TLK2: variants seen among roughly 807,000 people sequenced by gnomAD.
TLK2 encodes serine/threonine-protein kinase tousled-like 2.
A neutral mutation model predicts 117.3 loss-of-function variants in TLK2; 6 were observed. The ratio of observed to expected loss-of-function variants is 0.05; its 90% CI spans 0.03 to 0.10. The LOEUF is 0.10. TLK2 is among the 10% of genes least tolerant of loss of function. The pLI is 1.00. For missense variants in TLK2, 299 were observed against 901.2 expected, an observed-to-expected ratio of 0.33 and a Z score of 8.56; for synonymous variants, 257 against 316.7, an observed-to-expected ratio of 0.81 and a Z score of 2.00.
At chr17:62,568,363 C>G (rs1018415864) in intron 11 of TLK2, among the ~76,000 whole-genome samples, 5 of 143,318 alleles carry the variant, frequency 3.5e-5, no homozygotes, top group Non-Finnish European at 6.0e-5. Flanking sequence ...ACATGGGAGG[C>G]AGAGGTTGCA....
rs565112738 is a variant in TLK2 at position 62,491,103 on chromosome 17, A to G, written c.81+9897A>G. 6.6e-5 allele frequency among the ~76,000 whole-genome samples: 10 copies of G among 152,136 alleles called. No homozygotes were observed. The East Asian group carries it at 1.7e-3, about 27-fold the overall frequency. ...TGACTTCTTACAGAAGTAATTCTTT[A>G]TTTCATTGCTTTGCAGTCAATAATA... On this transcript the variant is annotated intron_variant, in intron 2 of 21. Coordinates refer to ENST00000346027, the MANE Select transcript of TLK2 (RefSeq NM_006852.6).
Position 62,606,893 on chromosome 17 carries a change from C to T in TLK2, c.1971+652C>T, listed in dbSNP as rs141820289. On this transcript the variant is annotated intron_variant, in intron 20 of 21. Transcript: ENST00000346027. The stretch of plus-strand genomic sequence containing the variant: ...GTTTGTTTCAGTGTTTCCCAGTAGG[C>T]TGTGGGTATAAGCCAGATGGGAGTT... Among the ~76,000 whole-genome samples the T allele has an allele frequency of 5.5e-4, 84 of 152,114 alleles. No homozygotes were observed. The East Asian group carries it at 0.014, about 26-fold the overall frequency.
At chr17:62,543,848 T>A (rs2077714626) in intron 7 of TLK2, among the ~76,000 whole-genome samples, 1 of 152,218 alleles carries the variant, frequency 6.6e-6, no homozygotes, top group South Asian at 2.1e-4. Context: ...GTTCAATTTA[T>A]CTGTTTTTTT....
chr17:62,593,832 G>A lies in TLK2; in HGVS notation c.1461-2753G>A, dbSNP rs144551366. Among the ~76,000 whole-genome samples, 829 of 138,606 alleles carry A rather than the reference G, an allele frequency of 6.0e-3. 7 individuals carry two copies. Among genetic ancestry groups the A allele is most frequent in the African/African-American group, 0.02 (747 of 36,802 alleles). The allele number at this position is 138,606 out of a possible 152,430, so 90.9% of individuals were successfully genotyped here. A position where few individuals can be genotyped will look rare whatever the true frequency, so the allele number is the denominator to read the frequency against. On this transcript the variant is annotated intron_variant, in intron 16 of 21. Transcript: ENST00000346027. Reference sequence around the variant, plus strand: ...TTTTGAGATGGAGTCTCACTCTGTCGCCCAGGCTGGAGTGCAGTGGTGTTA... The same window carrying A: ...TTTTGAGATGGAGTCTCACTCTGTCACCCAGGCTGGAGTGCAGTGGTGTTA...
At chr17:62,522,314 T>C in intron 4 of TLK2, 41 bp downstream of exon 4, 1 of 1,572,876 alleles carries the variant, frequency 6.4e-7, no homozygotes, top group Non-Finnish European at 8.7e-7. Context: ...TCAATTCTAA[T>C]GTACTTAGAT....
intron 11 of TLK2, among the ~76,000 whole-genome samples, chr17:62,569,634 C>T (rs1052725102): frequency 1.3e-5 from 2 of 151,818 alleles, no homozygotes; most frequent in African/African-American, 4.8e-5. Context: ...CGAGGTTTCA[C>T]CATATTGGCC....
intron 2 of TLK2, among the ~76,000 whole-genome samples, chr17:62,497,004 G>A (rs1314807962): frequency 1.3e-5 from 2 of 151,350 alleles, no homozygotes; most frequent in Admixed American, 6.6e-5. Flanking sequence ...CAGTGGCGAG[G>A]CCCAGCATTT....
At chr17:62,591,519 G>A (rs1008810595) in intron 16 of TLK2, among the ~76,000 whole-genome samples, 1 of 152,110 alleles carries the variant, frequency 6.6e-6, no homozygotes, top group African/African-American at 2.4e-5. Context: ...ACAGCAAGGA[G>A]CCAGGCCTCT....
chr17:62,504,261 C>A (rs973326779), intron 2 of TLK2, among the ~76,000 whole-genome samples: 7 of 152,088 alleles, frequency 4.6e-5, no homozygotes, highest in African/African-American at 1.7e-4. Context: ...TACCCTCATC[C>A]CCAACATATA....
rs554084482 is a variant in TLK2, at chr17:62,495,643, A to T, written c.81+14437A>T. ...TTGAAGTCTAGGTATGTGGTAAAAA[A>T]TTTTAAAAATTATATATATATATAT... On this transcript the variant is annotated intron_variant, in intron 2 of 21. Transcript: ENST00000346027. 8.7e-3 allele frequency among the ~76,000 whole-genome samples: 820 copies of T among 93,960 alleles called. 6 individuals carry two copies. The highest frequency in any genetic ancestry group is 0.024 in the African/African-American group (735 of 30,500). The allele number at this position is 93,960 out of a possible 152,430, so 61.6% of individuals were successfully genotyped here.
At chr17:62,577,766 C>A (rs143798282) in intron 13 of TLK2, among the ~76,000 whole-genome samples, 1 of 152,164 alleles carries the variant, frequency 6.6e-6, no homozygotes, top group African/African-American at 2.4e-5. Flanking sequence ...GTAGAACTTG[C>A]TGGGGATGGT....
In TLK2 at chr17:62,539,187, A is replaced by G. The variant is rs371345435; in HGVS notation, c.531+2850A>G. Among the ~76,000 whole-genome samples the G allele has an allele frequency of 3.9e-4, 60 of 152,332 alleles. 1 individual carries two copies. In the South Asian group the frequency reaches 0.012, roughly 31 times the overall value. On this transcript the variant is annotated intron_variant, in intron 7 of 21. Transcript: ENST00000346027. ...CCTTGGGTCCAGAAATTCCATTCCC[A>G]TAAAATTACACAAAGATATTTATTG...
chr17:62,586,245 TCTGA>T lies in TLK2; in HGVS notation c.1460+22_1460+25del. 1.9e-6 allele frequency: 3 copies of T among 1,553,690 alleles called. No homozygotes were observed. The highest frequency in any genetic ancestry group is 2.7e-6 in the Non-Finnish European group (3 of 1,129,198). ...ACCACAAGTAAGTGATACTTGAGTG[TCTGA>T]CTTTTTAAAATTAAATAATACCTGT... On this transcript the variant is annotated intron_variant, in intron 16 of 21. Coordinates refer to ENST00000346027, the MANE Select transcript of TLK2 (RefSeq NM_006852.6).
At chr17:62,495,579 T>C (rs1412891161) in intron 2 of TLK2, among the ~76,000 whole-genome samples, 2 of 150,502 alleles carry the variant, frequency 1.3e-5, no homozygotes, top group African/African-American at 4.9e-5. Flanking sequence ...CACGCCTGGC[T>C]GAGGCGTGTT....
At chr17:62,610,960 T>G (rs947969361) in intron 21 of TLK2, among the ~76,000 whole-genome samples, 1 of 152,120 alleles carries the variant, frequency 6.6e-6, no homozygotes, top group Non-Finnish European at 1.5e-5. Context: ...GGAAACATAG[T>G]GAGACCCATT....
At position 62,553,816 on chromosome 17, in the gene TLK2, A is replaced by G. The variant is rs1411659404; in HGVS notation, c.720+61A>G. On this transcript the variant is annotated intron_variant, in intron 9 of 21. Transcript: ENST00000346027. ...ACCATTTGTTATATATATTTGGATT[A>G]TGTACATATCATAGAAGTAATTACT... 24 of 1,071,516 alleles carry G rather than the reference A, an allele frequency of 2.2e-5. No individual in the cohort carries two copies. The East Asian group carries it at 3.4e-4, about 15-fold the overall frequency. 66.4% of individuals were successfully genotyped at this position (1,071,516 alleles called of 1,614,324 possible).
chr17:62,548,238 A>ATGTGTG (rs141908103), intron 7 of TLK2, among the ~76,000 whole-genome samples: 23,879 of 110,810 alleles, frequency 0.22, 2,699 homozygotes, highest in Middle Eastern at 0.27. Context: ...ATATATATAT[A>ATGTGTG]TATGTGTGTG....
intron 2 of TLK2, among the ~76,000 whole-genome samples, chr17:62,508,170 T>TTG (rs2074867966): frequency 6.8e-6 from 1 of 147,534 alleles, no homozygotes; most frequent in Non-Finnish European, 1.5e-5. Flanking sequence ...ATTTCCTAGT[T>TTG]TTTTTTTTTT....
upstream of TLK2, chr17:62,478,214 G>A (rs1468748972): frequency 6.6e-6 from 1 of 151,872 alleles, no homozygotes; most frequent in Non-Finnish European, 1.5e-5. Context: ...GGGCGCCTCC[G>A]GGAAGTCCGG....
Sources: allele counts gnomAD v4.1 joint callset (sites outside exome capture counted in the v4.1 genomes callset), GRCh38; gene constraint gnomAD v4.1.1; transcripts MANE v1.5; gene names NCBI Gene and HGNC (gene_info 2026-07-23, HGNC 2026-07-21).